Variants in RPS6KC1 observed in about 807,000 individuals in gnomAD.
RPS6KC1 encodes the protein ribosomal protein S6 kinase C1, also known as inactive ribosomal protein S6 kinase delta-1.
A neutral mutation model predicts 103.8 loss-of-function variants in RPS6KC1; 54 were observed. The ratio of observed to expected loss-of-function variants is 0.52; its 90% CI spans 0.42 to 0.65. RPS6KC1 has a LOEUF of 0.65. RPS6KC1 is among the 30% of genes least tolerant of loss of function. The pLI is 0.00. For missense variants in RPS6KC1, 1,151 were observed against 1,253.8 expected, an observed-to-expected ratio of 0.92 and a Z score of 1.24; for synonymous variants, 439 against 438.7, an observed-to-expected ratio of 1.00 and a Z score of -0.01.
intron 6 of RPS6KC1, among the ~76,000 whole-genome samples, chr1:213,149,974 T>C (rs1372491220): frequency 6.6e-6 from 1 of 152,230 alleles, no homozygotes; most frequent in Non-Finnish European, 1.5e-5. Context: ...AAAAAATATT[T>C]TTTAGTTTCC....
chr1:213,054,032 C>T (rs146339351), intron 1 of RPS6KC1, among the ~76,000 whole-genome samples: 9 of 152,164 alleles, frequency 5.9e-5, no homozygotes, highest in Non-Finnish European at 1.2e-4. Flanking sequence ...GACGAGGTTT[C>T]GCCTTGTTGT....
the RPS6KC1 span, among the ~76,000 whole-genome samples, chr1:213,310,670 T>C: frequency 2.0e-5 from 3 of 152,258 alleles, no homozygotes; most frequent in African/African-American, 7.2e-5. Context: ...GCATTGTATC[T>C]CTTTTGTTTG....
At chr1:213,361,959 G>A in the RPS6KC1 span, among the ~76,000 whole-genome samples, 14 of 152,354 alleles carry the variant, frequency 9.2e-5, no homozygotes, top group African/African-American at 2.6e-4. Context: ...GTGTGCACAA[G>A]TGTCTCTCTG....
At chr1:213,853,348 G>A in the RPS6KC1 span, among the ~76,000 whole-genome samples, 10 of 152,158 alleles carry the variant, frequency 6.6e-5, no homozygotes, top group East Asian at 5.8e-4. Context: ...GACCATGAGC[G>A]CCTGAGGAAT....
At chr1:213,285,817 C>T in the RPS6KC1 span, among the ~76,000 whole-genome samples, 9 of 151,982 alleles carry the variant, frequency 5.9e-5, no homozygotes, top group South Asian at 2.1e-4. Context: ...GACTAGTGCT[C>T]TAATAAAGGA....
chr1:213,568,301 A>T, the RPS6KC1 span, among the ~76,000 whole-genome samples: 20,805 of 152,128 alleles, frequency 0.14, 1,615 homozygotes, highest in Non-Finnish European at 0.17. Context: ...TGCTCTACAG[A>T]TCGCTCTGGG....
chr1:213,567,231 G>A, the RPS6KC1 span, among the ~76,000 whole-genome samples: 8 of 152,070 alleles, frequency 5.3e-5, no homozygotes, highest in East Asian at 1.9e-4. Flanking sequence ...AGTATGAGAC[G>A]GCTAAGCTTT....
chr1:213,573,743 G>C, the RPS6KC1 span, among the ~76,000 whole-genome samples: 1 of 152,204 alleles, frequency 6.6e-6, no homozygotes, highest in Non-Finnish European at 1.5e-5. Context: ...CCTTTGAAGG[G>C]ACAGAGAGGT....
At chr1:213,288,405 AAAGGATG>A in the RPS6KC1 span, among the ~76,000 whole-genome samples, 1 of 152,222 alleles carries the variant, frequency 6.6e-6, no homozygotes, top group East Asian at 1.9e-4. Context: ...AGACTAGACA[AAAGGATG>A]AACCAACAAT....
At chr1:213,601,168 C>A in the RPS6KC1 span, among the ~76,000 whole-genome samples, 2 of 151,946 alleles carry the variant, frequency 1.3e-5, no homozygotes, top group African/African-American at 4.8e-5. Flanking sequence ...CTGATTCAAT[C>A]AAAATGAATT....
At chr1:213,099,079 AGTGAAATTTTGAT>A (rs1255262073) in intron 3 of RPS6KC1, among the ~76,000 whole-genome samples, 7 of 152,214 alleles carry the variant, frequency 4.6e-5, no homozygotes. Context: ...CAGCCTTTCA[AGTGAAATTTTGAT>A]TATGTTGAAG....
At chr1:213,511,073 A>G in the RPS6KC1 span, among the ~76,000 whole-genome samples, 1 of 152,364 alleles carries the variant, frequency 6.6e-6, no homozygotes, top group African/African-American at 2.4e-5. Flanking sequence ...ATCTAGCAGG[A>G]CTTCAAAGGA....
chr1:213,612,400 A>G, the RPS6KC1 span, among the ~76,000 whole-genome samples: 1 of 152,214 alleles, frequency 6.6e-6, no homozygotes, highest in Non-Finnish European at 1.5e-5. Flanking sequence ...TTTTGAGACC[A>G]TATGACATGG....
chr1:213,195,846 G>GTGTGTGTGTGTGTA lies in RPS6KC1; in HGVS notation c.1044+19355_1044+19356insGTGTGTGTGTGTAT, dbSNP rs553713944. ...GGTGTGTGTGTGTGTGTGTGTGTGTGTATATATATACCATATTTTCTTTAT... is the reference window on the plus strand; with the variant it reads ...GGTGTGTGTGTGTGTGTGTGTGTGTGTGTGTGTGTGTGTATATATATATACCATATTTTCTTTAT... On this transcript the variant is annotated intron_variant, in intron 8 of 14. Transcript: ENST00000366960. Among the ~76,000 whole-genome samples the GTGTGTGTGTGTGTA allele has an allele frequency of 3.4e-3, 506 of 150,930 alleles. 3 individuals are homozygous for GTGTGTGTGTGTGTA. The highest frequency in any genetic ancestry group is 0.012 in the African/African-American group (472 of 40,986).
chr1:213,625,183 A>T, the RPS6KC1 span, among the ~76,000 whole-genome samples: 1 of 152,064 alleles, frequency 6.6e-6, no homozygotes, highest in Non-Finnish European at 1.5e-5. Context: ...AACACAAGTA[A>T]TATAGTAATA....
At chr1:213,707,127 G>C in the RPS6KC1 span, among the ~76,000 whole-genome samples, 1 of 152,210 alleles carries the variant, frequency 6.6e-6, no homozygotes, top group Admixed American at 6.5e-5. Flanking sequence ...TCACCACACT[G>C]TCTTCCACAA....
At chr1:213,492,821 C>T in the RPS6KC1 span, among the ~76,000 whole-genome samples, 1 of 152,228 alleles carries the variant, frequency 6.6e-6, no homozygotes, top group Non-Finnish European at 1.5e-5. Context: ...GTGGGAACTG[C>T]TGTTCCCCTG....
chr1:213,331,913 T>A, the RPS6KC1 span, among the ~76,000 whole-genome samples: 1 of 152,004 alleles, frequency 6.6e-6, no homozygotes, highest in East Asian at 1.9e-4. Flanking sequence ...CTCCTCTCCA[T>A]GTTTCCTGTT....
the RPS6KC1 span, among the ~76,000 whole-genome samples, chr1:213,831,306 C>T: frequency 1.3e-5 from 2 of 152,146 alleles, no homozygotes; most frequent in African/African-American, 4.8e-5. Flanking sequence ...TCAATCTAAT[C>T]ACAAGGTCCT....
Sources: gnomAD v4.1 joint callset for allele counts (sites outside exome capture counted in the v4.1 genomes callset) on GRCh38, gnomAD v4.1.1 for gene constraint, MANE v1.5 for transcripts, NCBI Gene and HGNC (gene_info 2026-07-23, HGNC 2026-07-21) for gene names.